NEDD9: variants seen among roughly 807,000 people sequenced by gnomAD.
The protein encoded by NEDD9 is neural precursor cell expressed, developmentally down-regulated 9.
NEDD9 carries 26 observed loss-of-function variants against 76.6 expected under a neutral mutation model. That is an observed-to-expected ratio of 0.34 (90% confidence interval 0.25 to 0.47). NEDD9 has a LOEUF of 0.47. NEDD9 is among the 20% of genes least tolerant of loss of function. The pLI is 1.00. For missense variants in NEDD9, 937 were observed against 1,058.5 expected (o/e 0.89, Z 1.59); for synonymous variants, 392 against 414.2 (o/e 0.95, Z 0.65).
intron 3 of NEDD9, among the ~76,000 whole-genome samples, chr6:11,282,076 C>T (rs1004549704): frequency 1.3e-5 from 2 of 152,280 alleles, no homozygotes; most frequent in African/African-American, 4.8e-5. Context: ...TATTATGTGA[C>T]ATCATGAATG....
intron 1 of NEDD9, among the ~76,000 whole-genome samples, chr6:11,375,662 G>C (rs1301696626): frequency 1.3e-5 from 2 of 152,054 alleles, no homozygotes; most frequent in African/African-American, 4.8e-5. Context: ...AAAGGACTCT[G>C]GGACCTCTCC....
chr6:11,248,645 T>C (rs1470711677), intron 3 of NEDD9, among the ~76,000 whole-genome samples: 1 of 152,184 alleles, frequency 6.6e-6, no homozygotes, highest in African/African-American at 2.4e-5. Context: ...CCATTCTTCA[T>C]TGTAGAAGGC....
chr6:11,283,663 T>C (rs1162845769), intron 3 of NEDD9, among the ~76,000 whole-genome samples: 1 of 152,208 alleles, frequency 6.6e-6, no homozygotes, highest in Non-Finnish European at 1.5e-5. Flanking sequence ...GAATGCCTCT[T>C]TCTTGAATCT....
At chr6:11,226,439 T>A (rs1341479941) in intron 1 of NEDD9, among the ~76,000 whole-genome samples, 3 of 152,194 alleles carry the variant, frequency 2.0e-5, no homozygotes, top group Non-Finnish European at 4.4e-5. Context: ...TCTTGCAGAG[T>A]ATTGCCTTGG....
chr6:11,363,156 T>G (rs577813542), intron 1 of NEDD9, among the ~76,000 whole-genome samples: 1 of 152,326 alleles, frequency 6.6e-6, no homozygotes, highest in East Asian at 1.9e-4. Context: ...TCTACTACAG[T>G]TGCTTAGCAT....
At chr6:11,228,407 G>T (rs953084328) in intron 1 of NEDD9, among the ~76,000 whole-genome samples, 1 of 152,154 alleles carries the variant, frequency 6.6e-6, no homozygotes, top group Non-Finnish European at 1.5e-5. Context: ...GTGGGCACCT[G>T]TAATCCCAGC....
chr6:11,292,919 C>T (rs1238993474), intron 3 of NEDD9, among the ~76,000 whole-genome samples: 1 of 152,168 alleles, frequency 6.6e-6, no homozygotes, highest in Non-Finnish European at 1.5e-5. Flanking sequence ...TCAGAAACAT[C>T]CATGGAACTT....
rs962156514 is a variant in NEDD9 at position 11,189,817 on chromosome 6, G to A, written c.1905+147C>T. On this transcript the variant is annotated intron_variant, in intron 5 of 6. Coordinates refer to ENST00000379446, the MANE Select transcript of NEDD9 (RefSeq NM_006403.4). ...CAGCCCAGCGTTCTTACTACTCTAC[G>A]ACACTCCCTCCAATTTGTGAACCAT... is the stretch of plus-strand genomic sequence containing the variant. The A allele has an allele frequency of 7.2e-5, 75 of 1,039,230 alleles. No individual in the cohort carries two copies. The Middle Eastern group carries it at 1.2e-3, about 17-fold the overall frequency. The allele number at this position is 1,039,230 out of a possible 1,614,324, so 64.4% of individuals were successfully genotyped here.
chr6:11,220,189 T>C (rs1381577438), intron 1 of NEDD9, among the ~76,000 whole-genome samples: 2 of 152,082 alleles, frequency 1.3e-5, no homozygotes, highest in Admixed American at 6.6e-5. Flanking sequence ...CTGAGAGGTG[T>C]TCAACATTTC....
intron 3 of NEDD9, among the ~76,000 whole-genome samples, chr6:11,243,060 A>G (rs767232): frequency 0.5 from 76,316 of 152,048 alleles, 20,223 homozygotes; most frequent in East Asian, 0.77. Context: ...GTGGATGAGC[A>G]AATATGAGCC....
chr6:11,189,968 A>T lies in NEDD9; in HGVS notation c.1901T>A (p.Leu634Gln), dbSNP rs1217645293. Residue 634 changes from leucine to glutamine, a missense_variant, in exon 5 of 7, where the codon CTA becomes CAA. Leu to Gln is a moderately radical substitution (Grantham distance 113). Transcript: ENST00000379446. ...TTATGAGTTCCGCTGTTTTACCTGTAGGTGGACGTAATCGTAGTCATCCAT... is the reference window on the plus strand; with the variant it reads ...TTATGAGTTCCGCTGTTTTACCTGTTGGTGGACGTAATCGTAGTCATCCAT... ...SWMDDYDYVH[L>Q]QGKEEFERQQ... 6.6e-7 allele frequency: 1 copy of T among 1,515,542 alleles called. No individual in the cohort carries two copies. The highest frequency in any genetic ancestry group is 8.8e-7 in the Non-Finnish European group (1 of 1,133,168). The allele number at this position is 1,515,542 out of a possible 1,614,324, so 93.9% of individuals were successfully genotyped here.
At chr6:11,255,991 A>T (rs66497541) in intron 3 of NEDD9, among the ~76,000 whole-genome samples, 20,310 of 152,060 alleles carry the variant, frequency 0.13, 1,481 homozygotes, top group African/African-American at 0.18. Context: ...TACAGGAGTA[A>T]CACCACTAGG....
chr6:11,355,932 A>G (rs951275778), intron 1 of NEDD9, among the ~76,000 whole-genome samples: 12 of 152,126 alleles, frequency 7.9e-5, no homozygotes, highest in Non-Finnish European at 1.5e-4. Flanking sequence ...CGTGTTAGCC[A>G]GGATGGTCTC....
At chr6:11,314,419 C>G (rs966759052) in intron 2 of NEDD9, among the ~76,000 whole-genome samples, 1 of 152,040 alleles carries the variant, frequency 6.6e-6, no homozygotes, top group African/African-American at 2.4e-5. Flanking sequence ...GGGGAGAAAG[C>G]TAGAAATATG....
At chr6:11,268,841 T>C (rs927818853) in intron 3 of NEDD9, among the ~76,000 whole-genome samples, 1 of 152,144 alleles carries the variant, frequency 6.6e-6, no homozygotes, top group African/African-American at 2.4e-5. Context: ...AACTATATCA[T>C]ATCCTAGGTT....
intron 1 of NEDD9, among the ~76,000 whole-genome samples, chr6:11,220,982 C>T (rs956298884): frequency 6.6e-6 from 1 of 152,168 alleles, no homozygotes; most frequent in Non-Finnish European, 1.5e-5. Context: ...ATGTCACAGT[C>T]AACTTCTATT....
At chr6:11,237,600 T>C (rs1421960362), upstream of NEDD9, among the ~76,000 whole-genome samples, 1 of 152,224 alleles carries the variant, frequency 6.6e-6, no homozygotes, top group Non-Finnish European at 1.5e-5. The surrounding 1 kb of genome is among the most constrained non-coding windows in gnomAD (Gnocchi z 4.9). Context: ...ATGAAAATGA[T>C]GTGAAATTCA....
chr6:11,235,330 G>A (rs1759576470), upstream of NEDD9, among the ~76,000 whole-genome samples: 1 of 152,130 alleles, frequency 6.6e-6, no homozygotes, highest in South Asian at 2.1e-4. This position sits in a 1 kb window ranked among gnomAD's most constrained non-coding sequence, Gnocchi z 4.1. Flanking sequence ...GCATTCAGAA[G>A]AAGTTGGAGG....
At chr6:11,207,921 T>C (rs1758656995) in intron 2 of NEDD9, among the ~76,000 whole-genome samples, 1 of 152,198 alleles carries the variant, frequency 6.6e-6, no homozygotes, top group Admixed American at 6.5e-5. Context: ...CTCATGCCTA[T>C]TATCCCAGCA....
Sources: gnomAD v4.1 joint callset for allele counts (sites outside exome capture counted in the v4.1 genomes callset) on GRCh38, gnomAD v4.1.1 for gene constraint, Gnocchi (gnomAD v3.1) non-coding constraint, MANE v1.5 for transcripts, NCBI Gene and HGNC (gene_info 2026-07-23, HGNC 2026-07-21) for gene names.